CBR3: variants seen among roughly 807,000 people sequenced by gnomAD.
The protein encoded by CBR3 is carbonyl reductase 3, also known as carbonyl reductase [NADPH] 3.
CBR3 carries 14 observed loss-of-function variants against 11.6 expected under a neutral mutation model. The observed-to-expected ratio is 1.20, with a 90% confidence interval of 0.79 to 1.88. The LOEUF (loss-of-function observed/expected upper bound fraction) is 1.88, where lower values mean the gene tolerates loss of function less well. Among genes scored for constraint, CBR3 ranks in the 40% most tolerant of loss-of-function variants. The probability of loss-of-function intolerance (pLI) is 0.00; values close to 1 mark genes in which losing one functional copy is unlikely to be tolerated. For synonymous variants in CBR3, 125 were observed against 145.6 expected, an observed-to-expected ratio of 0.86 and a Z score of 1.02; for missense variants, 308 against 357.3, an observed-to-expected ratio of 0.86 and a Z score of 1.11.
Position 36,137,819 on chromosome 21 carries a change from T to TAAAAGA in CBR3, c.290-6_290-5insAAAAGA, listed in dbSNP as rs1375561017. Reference sequence around the variant, plus strand: ...CTTTCTTTTTGTTTCTTTCTCTTTTTGAAAGGTGATGATCCAATGCCCTTT... The same window carrying TAAAAGA: ...CTTTCTTTTTGTTTCTTTCTCTTTTTAAAAGAGAAAGGTGATGATCCAATGCCCTTT... On this transcript the variant is annotated splice_polypyrimidine_tract_variant and splice_region_variant and intron_variant, in intron 1 of 2. Transcript: ENST00000290354. 6.5e-7 allele frequency: 1 copy of TAAAAGA among 1,547,060 alleles called. No homozygotes were observed. Among genetic ancestry groups the TAAAAGA allele is most frequent in the East Asian group, 2.2e-5 (1 of 44,576 alleles).
At chr21:36,140,043 C>T (rs763526666) in intron 2 of CBR3, among the ~76,000 whole-genome samples, 15 of 151,972 alleles carry the variant, frequency 9.9e-5, no homozygotes, top group Admixed American at 3.9e-4. Context: ...AGCACCACCA[C>T]GCCCAGCTAA....
At chr21:36,142,170 C>T (rs994207087) in intron 2 of CBR3, among the ~76,000 whole-genome samples, 6 of 152,166 alleles carry the variant, frequency 3.9e-5, no homozygotes, top group East Asian at 3.9e-4. Context: ...CGGTGACTCA[C>T]GCCTGTAATC....
At chr21:36,135,546 A>T in intron 1 of CBR3, 65 bp downstream of exon 1, 1 of 1,453,878 alleles carries the variant, frequency 6.9e-7, no homozygotes, top group Non-Finnish European at 9.3e-7. Flanking sequence ...GGCCAGCCGC[A>T]GGCTCCCCAC....
chr21:36,135,333 G>A lies in CBR3; in HGVS notation c.141G>A (p.Val47=), dbSNP rs1207363684. Residue 47 remains valine, a synonymous_variant, in exon 1 of 3, where the codon GTG becomes GTA. Coordinates refer to ENST00000290354, the MANE Select transcript of CBR3 (RefSeq NM_001236.4). ...ACGTGGCGCGGGGCCAGGCGGCCGT[G>A]CAGCAGCTGCAGGCGGAGGGCCTGA... The part of the protein sequence containing the change: ...ARDVARGQAA[V]QQLQAEGLSP... The A allele has an allele frequency of 1.9e-6, 3 of 1,612,160 alleles. No individual in the cohort carries two copies. The highest frequency in any genetic ancestry group is 2.2e-5 in the East Asian group (1 of 44,834).
intron 2 of CBR3, among the ~76,000 whole-genome samples, chr21:36,143,446 T>C (rs2065729065): frequency 6.6e-6 from 1 of 152,222 alleles, no homozygotes; most frequent in Admixed American, 6.5e-5. Flanking sequence ...TTTCCACCAG[T>C]ACTTCAAATT....
intron 2 of CBR3, among the ~76,000 whole-genome samples, chr21:36,141,007 C>CAAAAAAA (rs1217520274): frequency 5.3e-5 from 3 of 56,216 alleles, no homozygotes; most frequent in African/African-American, 2.0e-4. Context: ...CACTCCATCT[C>CAAAAAAA]AAAAAAAAAA....
In CBR3 at chr21:36,135,120, C is replaced by T. The variant is rs577004977; in HGVS notation, c.-73C>T. 5.1e-6 allele frequency: 7 copies of T among 1,379,806 alleles called. No individual in the cohort carries two copies. In the East Asian group the frequency reaches 2.0e-4, roughly 39 times the overall value. 85.5% of individuals were successfully genotyped at this position (1,379,806 alleles called of 1,614,324 possible). On this transcript the variant is annotated 5_prime_UTR_variant, in exon 1 of 3. Transcript: ENST00000290354. ...GGCGGCATTGACACTAGCTGGGCTC[C>T]TCGGGGCGCGCCCCAGGTGGTCCGA...
intron 1 of CBR3, among the ~76,000 whole-genome samples, chr21:36,136,680 G>A (rs1380828285): frequency 1.3e-5 from 2 of 152,122 alleles, no homozygotes; most frequent in African/African-American, 4.8e-5. Flanking sequence ...CTGCAAACCT[G>A]GGCGCTCATG....
chr21:36,146,142 A>G lies in CBR3; in HGVS notation c.464A>G (p.Gln155Arg). The G allele has an allele frequency of 6.2e-7, 1 of 1,614,024 alleles. No homozygotes were observed. Among genetic ancestry groups the G allele is most frequent in the Non-Finnish European group, 8.5e-7 (1 of 1,179,946 alleles). ...TTTGAAAACTGCAGTGAAGATCTGC[A>G]GGAAAGGTTCCACAGTGAGACACTC... is the stretch of plus-strand genomic sequence containing the variant. ...RAFENCSEDLQERFHSETLTE... is the reference protein window; with the variant it reads ...RAFENCSEDLRERFHSETLTE... The change falls in exon 3 of 3, where the codon CAG becomes CGG. Residue 155 changes from glutamine (Q) to arginine (R), a missense_variant. Transcript: ENST00000290354.
intron 2 of CBR3, among the ~76,000 whole-genome samples, chr21:36,143,825 A>G (rs956070424): frequency 1.3e-5 from 2 of 148,156 alleles, no homozygotes; most frequent in African/African-American, 5.0e-5. Flanking sequence ...GGCTACAGTG[A>G]GCCGAGATCA....
chr21:36,140,598 C>A lies in CBR3; in HGVS notation c.397+2666C>A, dbSNP rs566404060. Among the ~76,000 whole-genome samples, 5 of 152,014 alleles carry A rather than the reference C, an allele frequency of 3.3e-5. No homozygotes were observed. In the South Asian group the frequency reaches 1.0e-3, roughly 32 times the overall value. ...TATTAAGACACCTTTAAAACTCCAT[C>A]CCCTTCCAGAGCACCTGCAGTTCTC... On this transcript the variant is annotated intron_variant, in intron 2 of 2. Transcript: ENST00000290354.
chr21:36,138,168 A>G (rs560935039), intron 2 of CBR3: 1 of 443,938 alleles, frequency 2.3e-6, no homozygotes, highest in African/African-American at 2.0e-5. Context: ...GGGTGGTGGG[A>G]AGAAATTTTG....
At chr21:36,145,992 G>A (rs2123354504) in intron 2 of CBR3, 84 bp from the exon 3 acceptor site, 8 of 697,042 alleles carry the variant, frequency 1.1e-5, no homozygotes, top group South Asian at 1.9e-5. Flanking sequence ...CCTGCACCAA[G>A]ACTCAATCAT....
intron 2 of CBR3, among the ~76,000 whole-genome samples, chr21:36,140,714 A>C (rs1341409426): frequency 6.6e-6 from 1 of 152,156 alleles, no homozygotes; most frequent in Non-Finnish European, 1.5e-5. Flanking sequence ...TTTTAGGTTA[A>C]GAAGTTTTTG....
chr21:36,140,133 C>T (rs2065697578), intron 2 of CBR3, among the ~76,000 whole-genome samples: 1 of 152,026 alleles, frequency 6.6e-6, no homozygotes, highest in South Asian at 2.1e-4. Flanking sequence ...AGGTGATCCA[C>T]CCGCCTTGGC....
At chr21:36,142,019 C>A (rs1541320) in intron 2 of CBR3, 446,195 of 510,712 alleles carry the variant, frequency 0.87, 195,098 homozygotes, top group Non-Finnish European at 0.89. Context: ...TGTGACTCTC[C>A]TCATGAGAAC....
Position 36,146,455 on chromosome 21 carries a change from A to G in CBR3, c.777A>G (p.Pro259=), listed in dbSNP as rs2123355936. 1 of 1,613,802 alleles carries G rather than the reference A, an allele frequency of 6.2e-7. No individual in the cohort carries two copies. The highest frequency in any genetic ancestry group is 8.5e-7 in the Non-Finnish European group (1 of 1,179,714). The part of the protein sequence containing the change: ...ETPVYLALLP[P]DATEPQGQLV... ...CTGTCTACTTGGCCCTCTTGCCTCC[A>G]GATGCCACTGAGCCACAAGGCCAGT... Residue 259 remains proline (P), a synonymous_variant, in exon 3 of 3, where the codon CCA becomes CCG. Coordinates refer to ENST00000290354, the MANE Select transcript of CBR3 (RefSeq NM_001236.4).
At chr21:36,135,724 CG>C in intron 1 of CBR3, 1 of 468,338 alleles carries the variant, frequency 2.1e-6, no homozygotes, top group South Asian at 3.8e-5. Flanking sequence ...GTGCGCGGCC[CG>C]GGGCCCTCCC....
intron 2 of CBR3, among the ~76,000 whole-genome samples, chr21:36,143,576 G>T (rs1331845275): frequency 1.3e-5 from 2 of 151,752 alleles, no homozygotes; most frequent in East Asian, 1.9e-4. Context: ...TATCAAATAG[G>T]GACTAAAAAG....
Sources: allele counts gnomAD v4.1 joint callset (sites outside exome capture counted in the v4.1 genomes callset), GRCh38; gene constraint gnomAD v4.1.1; transcripts MANE v1.5; gene names NCBI Gene and HGNC (gene_info 2026-07-23, HGNC 2026-07-21).